HYCC2: variants seen among roughly 807,000 people sequenced by gnomAD.
HYCC2 encodes hyccin 2.
the HYCC2 span, among the ~76,000 whole-genome samples, chr2:201,070,908 C>T: frequency 6.6e-6 from 1 of 152,232 alleles, no homozygotes; most frequent in East Asian, 1.9e-4. Flanking sequence ...CCACATTCAT[C>T]GCAAACTAGT....
chr2:201,000,323 A>G, the HYCC2 span, among the ~76,000 whole-genome samples: 58 of 152,092 alleles, frequency 3.8e-4, no homozygotes, highest in Middle Eastern at 3.4e-3. Flanking sequence ...TCTAGGGTGC[A>G]GGCTGCAGTA....
the HYCC2 span, among the ~76,000 whole-genome samples, chr2:201,053,003 G>A: frequency 2.0e-5 from 3 of 152,206 alleles, no homozygotes; most frequent in African/African-American, 7.2e-5. Context: ...GCCAGAAATA[G>A]TGCCGCTTCT....
the HYCC2 span, among the ~76,000 whole-genome samples, chr2:200,982,655 A>G: frequency 2.0e-5 from 3 of 152,198 alleles, no homozygotes; most frequent in African/African-American, 2.4e-5. Context: ...AATTATTTCT[A>G]TATTTTAGAT....
chr2:201,017,046 C>A, the HYCC2 span: 1 of 1,614,092 alleles, frequency 6.2e-7, no homozygotes, highest in African/African-American at 1.3e-5. Context: ...CTGTCTGTCT[C>A]GGCTAACTGT....
chr2:200,993,764 G>A, the HYCC2 span, among the ~76,000 whole-genome samples: 13 of 151,620 alleles, frequency 8.6e-5, no homozygotes, highest in Non-Finnish European at 1.6e-4. Context: ...GGCGGATCAC[G>A]AGGTCAGGAG....
the HYCC2 span, among the ~76,000 whole-genome samples, chr2:201,044,259 T>C: frequency 1.3e-5 from 2 of 152,308 alleles, no homozygotes; most frequent in East Asian, 3.9e-4. Context: ...ATTAATAGTA[T>C]TACCATTATT....
the HYCC2 span, chr2:201,022,591 T>A: frequency 3.1e-6 from 1 of 321,710 alleles, no homozygotes; most frequent in Non-Finnish European, 5.7e-6. Context: ...GAGATGATGG[T>A]CAATAAAATT....
At chr2:200,994,179 C>T in the HYCC2 span, among the ~76,000 whole-genome samples, 1 of 152,186 alleles carries the variant, frequency 6.6e-6, no homozygotes, top group East Asian at 1.9e-4. Flanking sequence ...ATATTTAAAA[C>T]AGTGACCCAA....
chr2:201,033,201 G>GAC, the HYCC2 span, among the ~76,000 whole-genome samples: 1 of 147,350 alleles, frequency 6.8e-6, no homozygotes, highest in South Asian at 2.1e-4. Flanking sequence ...GTGTGTGAGA[G>GAC]AGAGAGAGAG....
chr2:201,053,572 C>T, the HYCC2 span, among the ~76,000 whole-genome samples: 4 of 152,170 alleles, frequency 2.6e-5, no homozygotes, highest in Admixed American at 2.6e-4. Context: ...AGACATAGGC[C>T]AGCCAACAGC....
the HYCC2 span, among the ~76,000 whole-genome samples, chr2:201,058,268 A>C: frequency 6.6e-6 from 1 of 152,244 alleles, no homozygotes; most frequent in Non-Finnish European, 1.5e-5. Flanking sequence ...AGGGATCTAT[A>C]ATAAAACTCA....
chr2:201,024,100 A>G, the HYCC2 span: 1 of 914,424 alleles, frequency 1.1e-6, no homozygotes, highest in South Asian at 1.4e-5. Flanking sequence ...CTAGAAATAA[A>G]TGATATGTGC....
At chr2:201,021,653 G>A in the HYCC2 span, 2 of 174,288 alleles carry the variant, frequency 1.1e-5, no homozygotes, top group South Asian at 2.6e-4. Flanking sequence ...TACAAATACA[G>A]AATATCTGAC....
At chr2:201,025,692 T>C in the HYCC2 span, among the ~76,000 whole-genome samples, 1 of 152,138 alleles carries the variant, frequency 6.6e-6, no homozygotes, top group Non-Finnish European at 1.5e-5. Flanking sequence ...TAAACGAAGA[T>C]CCAAGTGGTT....
chr2:201,056,449 C>T, the HYCC2 span, among the ~76,000 whole-genome samples: 30 of 152,110 alleles, frequency 2.0e-4, 1 homozygote, highest in African/African-American at 5.3e-4. Context: ...CTGAGGCAGA[C>T]GGATCACCTG....
the HYCC2 span, chr2:200,974,876 A>G: frequency 9.2e-5 from 14 of 152,028 alleles, no homozygotes; most frequent in Non-Finnish European, 1.5e-4. Flanking sequence ...ACTCAGAATG[A>G]TCATGGACAT....
the HYCC2 span, chr2:200,997,629 A>C: frequency 1.3e-6 from 1 of 776,372 alleles, no homozygotes; most frequent in Non-Finnish European, 2.2e-6. Context: ...ATTGACCTTT[A>C]TGATTTCTTA....
At chr2:201,028,459 A>C in the HYCC2 span, among the ~76,000 whole-genome samples, 1 of 152,200 alleles carries the variant, frequency 6.6e-6, no homozygotes, top group African/African-American at 2.4e-5. Flanking sequence ...TTGGAAAAAA[A>C]CTACTTTAAA....
chr2:201,070,988 T>A, the HYCC2 span, among the ~76,000 whole-genome samples: 1 of 152,120 alleles, frequency 6.6e-6, no homozygotes, highest in Non-Finnish European at 1.5e-5. Context: ...ACCCTTCGCC[T>A]AGAGAACCTG....
Sources: allele counts gnomAD v4.1 joint callset (sites outside exome capture counted in the v4.1 genomes callset), GRCh38; gene constraint gnomAD v4.1.1; transcripts MANE v1.5; gene names NCBI Gene and HGNC (gene_info 2026-07-23, HGNC 2026-07-21).